Variants in PAQR4 observed in about 807,000 individuals in gnomAD.
PAQR4 encodes the protein progestin and adipoQ receptor family member IV.
A neutral mutation model predicts 20.9 loss-of-function variants in PAQR4; 26 were observed. The ratio of observed to expected loss-of-function variants is 1.24; its 90% CI spans 0.91 to 1.73. PAQR4 has a LOEUF of 1.73. Ranked by LOEUF, PAQR4 falls within the 40% of genes most tolerant of loss-of-function variation. PAQR4 has a pLI of 0.00. For synonymous variants in PAQR4, 193 were observed against 171.6 expected, an observed-to-expected ratio of 1.12 and a Z score of -0.97; for missense variants, 400 against 380.1, an observed-to-expected ratio of 1.05 and a Z score of -0.44.
chr16:2,972,614 C>T lies in PAQR4; in HGVS notation c.*666C>T. 8 of 1,534,756 alleles carry T rather than the reference C, an allele frequency of 5.2e-6. No homozygotes were observed. The highest frequency in any genetic ancestry group is 2.0e-5 in the Admixed American group (1 of 50,972). On this transcript the variant is annotated 3_prime_UTR_variant, in exon 3 of 3. Transcript: ENST00000318782. ...GCCCTCCACCTTGAGTGCCATACTC[C>T]CAACAGCTCCAGGTACCCACCGGGG...
Position 2,973,193 on chromosome 16 carries a change from C to T in PAQR4, c.*1245C>T, listed in dbSNP as rs763671016. ...GTGCTCCCCACAGTCCGGGCCAGGA[C>T]AGCCTCAGGGGAGAGTGAAGGCCTG... On this transcript the variant is annotated 3_prime_UTR_variant, in exon 3 of 3. Transcript: ENST00000318782. 7 of 1,521,236 alleles carry T rather than the reference C, an allele frequency of 4.6e-6. No individual in the cohort carries two copies. The South Asian group carries it at 7.7e-5, about 17-fold the overall frequency. The allele number at this position is 1,521,236 out of a possible 1,614,324, so 94.2% of individuals were successfully genotyped here.
chr16:2,971,457 G>T, intron 2 of PAQR4, 58 bp from the exon 3 acceptor site: 1 of 1,575,520 alleles, frequency 6.3e-7, no homozygotes, highest in Non-Finnish European at 8.6e-7. Context: ...CATGGGTAGG[G>T]AAGGGCGGGT....
At position 2,972,275 on chromosome 16, in the gene PAQR4, G is replaced by C. The variant is rs867513721; in HGVS notation, c.*327G>C. The C allele has an allele frequency of 2.0e-6, 1 of 497,594 alleles. No individual in the cohort carries two copies. Among genetic ancestry groups the C allele is most frequent in the East Asian group, 3.3e-5 (1 of 30,750 alleles). The allele number at this position is 497,594 out of a possible 1,614,324, so 30.8% of individuals were successfully genotyped here. ...TCTGGGGTCACGTCTTGCTCTGAGA[G>C]TTCAAGTCCTGCCAGGCCGCCAGCC... On this transcript the variant is annotated 3_prime_UTR_variant, in exon 3 of 3. Transcript: ENST00000318782.
At chr16:2,971,491 C>T (rs768943159) in intron 2 of PAQR4, 24 bp from the exon 3 acceptor site, 9 of 1,576,498 alleles carry the variant, frequency 5.7e-6, no homozygotes, top group Middle Eastern at 1.7e-4. Context: ...GACATGCCCT[C>T]TCCTGTTCTC....
chr16:2,969,697 G>A lies in PAQR4; in HGVS notation c.23G>A (p.Arg8His), dbSNP rs761321758. The A allele has an allele frequency of 5.0e-6, 8 of 1,585,278 alleles. No individual in the cohort carries two copies. The Admixed American group carries it at 5.3e-5, about 11-fold the overall frequency. Residue 8 changes from arginine to histidine, a missense_variant, in exon 1 of 3, where the codon CGC (arginine) becomes CAC (histidine). Coordinates refer to ENST00000318782, the MANE Select transcript of PAQR4 (RefSeq NM_152341.5). ...ACCATGGCGTTCCTGGCCGGGCCGC[G>A]CCTGCTGGACTGGGCCAGCTCGCCG... MAFLAGP[R>H]LLDWASSPPH... is the part of the protein sequence containing the mutation.
rs1360255129 is a variant in PAQR4, at chr16:2,971,233, G to C, written c.243G>C (p.Leu81=). The C allele has an allele frequency of 1.2e-6, 2 of 1,613,170 alleles. No homozygotes were observed. Among genetic ancestry groups the C allele is most frequent in the Middle Eastern group, 1.6e-4 (1 of 6,084 alleles). The part of the protein sequence containing the change: ...PWGQLGKDGW[L]GGTHCVACLA... Reference sequence around the variant, plus strand: ...GTCAGCTGGGCAAGGATGGCTGGCTGGGAGGCACACATTGCGTGGCCTGCC... The same window carrying C: ...GTCAGCTGGGCAAGGATGGCTGGCTCGGAGGCACACATTGCGTGGCCTGCC... Residue 81 remains leucine, a synonymous_variant, in exon 2 of 3, where the codon CTG becomes CTC. Transcript: ENST00000318782.
Position 2,969,555 on chromosome 16 carries a change from G to A in PAQR4, c.-120G>A. The A allele has an allele frequency of 3.3e-6, 4 of 1,197,506 alleles. No individual in the cohort carries two copies. Among genetic ancestry groups the A allele is most frequent in the Non-Finnish European group, 4.3e-6 (4 of 924,622 alleles). 74.2% of individuals were successfully genotyped at this position (1,197,506 alleles called of 1,614,324 possible). A position where few individuals can be genotyped will look rare whatever the true frequency, so the allele number is the denominator to read the frequency against. On this transcript the variant is annotated 5_prime_UTR_variant, in exon 1 of 3. Coordinates refer to ENST00000318782, the MANE Select transcript of PAQR4 (RefSeq NM_152341.5). ...CAGCGCGTGCGCCGATCGAGCGCAG[G>A]GCGATGGGTGGGCGCCGGGCGCCGG...
chr16:2,971,496 G>T lies in PAQR4; in HGVS notation c.389-19G>T, dbSNP rs1041802421. 5 of 1,578,406 alleles carry T rather than the reference G, an allele frequency of 3.2e-6. No homozygotes were observed. In the African/African-American group the frequency reaches 5.4e-5, roughly 17 times the overall value. ...CCCTCACAATGACATGCCCTCTCCT[G>T]TTCTCTCCTCTTGTGCAGGGGCCCT... On this transcript the variant is annotated intron_variant, in intron 2 of 2. Transcript: ENST00000318782.
Position 2,971,992 on chromosome 16 carries a change from A to G in PAQR4, c.*44A>G. ...CCACAGCAGCCTCCTAGAGTTAGCA[A>G]CACCAGGTGTTCCTCCCAACTCGTC... On this transcript the variant is annotated 3_prime_UTR_variant, in exon 3 of 3. Transcript: ENST00000318782. 5 of 1,500,490 alleles carry G rather than the reference A, an allele frequency of 3.3e-6. No individual in the cohort carries two copies. Among genetic ancestry groups the G allele is most frequent in the Non-Finnish European group, 4.4e-6 (5 of 1,128,232 alleles). 92.9% of individuals were successfully genotyped at this position (1,500,490 alleles called of 1,614,324 possible).
intron 1 of PAQR4, among the ~76,000 whole-genome samples, chr16:2,970,457 T>C (rs1411801722): frequency 6.6e-6 from 1 of 152,186 alleles, no homozygotes; most frequent in Non-Finnish European, 1.5e-5. Flanking sequence ...GTGGGCAGCC[T>C]TCGGAGCCCC....
Position 2,972,740 on chromosome 16 carries a change from A to G in PAQR4, c.*792A>G. 1 of 1,537,024 alleles carries G rather than the reference A, an allele frequency of 6.5e-7. No homozygotes were observed. Among genetic ancestry groups the G allele is most frequent in the Non-Finnish European group, 8.7e-7 (1 of 1,146,844 alleles). On this transcript the variant is annotated 3_prime_UTR_variant, in exon 3 of 3. Transcript: ENST00000318782. The stretch of plus-strand genomic sequence containing the variant: ...GGGTTCTGCAGCAGGGCTCAGCCTC[A>G]GGGGCGTTAAGACCCTGGATGACAT...
At position 2,972,510 on chromosome 16, in the gene PAQR4, A is replaced by C. The variant is rs1379904665; in HGVS notation, c.*562A>C. ...CTTGTACCAGCTGGCCACAGGCACA[A>C]GGGCTGCAGCTGCTTCTTCCAGGAA... is the stretch of plus-strand genomic sequence containing the variant. On this transcript the variant is annotated 3_prime_UTR_variant, in exon 3 of 3. Coordinates refer to ENST00000318782, the MANE Select transcript of PAQR4 (RefSeq NM_152341.5). The C allele has an allele frequency of 5.4e-6, 6 of 1,120,846 alleles. No homozygotes were observed. Among genetic ancestry groups the C allele is most frequent in the Non-Finnish European group, 6.2e-6 (5 of 802,790 alleles). 69.4% of individuals were successfully genotyped at this position (1,120,846 alleles called of 1,614,324 possible). A position where few individuals can be genotyped will look rare whatever the true frequency, so the allele number is the denominator to read the frequency against.
In PAQR4 at chr16:2,972,679, T is replaced by C; in HGVS notation, c.*731T>C. ...GGAAACCTCTTTGCTCCACACAGCA[T>C]GGGGCTTCAGCTGCTGGCCCAAGGC... On this transcript the variant is annotated 3_prime_UTR_variant, in exon 3 of 3. Coordinates refer to ENST00000318782, the MANE Select transcript of PAQR4 (RefSeq NM_152341.5). 6.5e-7 allele frequency: 1 copy of C among 1,535,762 alleles called. No homozygotes were observed.
chr16:2,972,582 C>G lies in PAQR4; in HGVS notation c.*634C>G. 1 of 1,521,504 alleles carries G rather than the reference C, an allele frequency of 6.6e-7. No homozygotes were observed. The highest frequency in any genetic ancestry group is 1.2e-5 in the South Asian group (1 of 83,170). 94.3% of individuals were successfully genotyped at this position (1,521,504 alleles called of 1,614,324 possible). A position where few individuals can be genotyped will look rare whatever the true frequency, so the allele number is the denominator to read the frequency against. On this transcript the variant is annotated 3_prime_UTR_variant, in exon 3 of 3. Coordinates refer to ENST00000318782, the MANE Select transcript of PAQR4 (RefSeq NM_152341.5). ...GCCTCAGATCCTGGGACCCCTGGGC[C>G]GTGCCTGCCCTCCACCTTGAGTGCC... is the stretch of plus-strand genomic sequence containing the variant.
chr16:2,973,145 T>A lies in PAQR4; in HGVS notation c.*1197T>A. ...GCCCCTGGACCTGCTTACCTGGGTG[T>A]GCACCTGCTCCGGGGGGTGGAGGTG... On this transcript the variant is annotated 3_prime_UTR_variant, in exon 3 of 3. Transcript: ENST00000318782. The A allele has an allele frequency of 2.6e-6, 4 of 1,549,840 alleles. No individual in the cohort carries two copies. Among genetic ancestry groups the A allele is most frequent in the Non-Finnish European group, 3.5e-6 (4 of 1,142,006 alleles).
rs373107462 is a variant in PAQR4, at chr16:2,971,389, G to T, written c.388+11G>T. On this transcript the variant is annotated intron_variant, in intron 2 of 2. Transcript: ENST00000318782. ...TTGTCAACACCCTTGGTGAGTCAGG[G>T]CCCAAGGGATGGGAGCTGGAGCCAC... 1.2e-6 allele frequency: 2 copies of T among 1,604,434 alleles called. No individual in the cohort carries two copies. Among genetic ancestry groups the T allele is most frequent in the Non-Finnish European group, 1.7e-6 (2 of 1,178,484 alleles).
At position 2,969,367 on chromosome 16, in the gene PAQR4, G is replaced by A. The variant is rs1475515551; in HGVS notation, c.-308G>A. 6.3e-5 allele frequency: 10 copies of A among 159,536 alleles called. No homozygotes were observed. The highest frequency in any genetic ancestry group is 9.6e-5 in the Non-Finnish European group (7 of 72,764). 9.9% of individuals were successfully genotyped at this position (159,536 alleles called of 1,614,324 possible). On this transcript the variant is annotated 5_prime_UTR_variant, in exon 1 of 3. Transcript: ENST00000318782. Reference sequence around the variant, plus strand: ...GGCTGCAGAGAGACTACCGGCCACCGCCGCCGCCGCCGCCGCGAGCTGTCC... The same window carrying A: ...GGCTGCAGAGAGACTACCGGCCACCACCGCCGCCGCCGCCGCGAGCTGTCC...
In PAQR4 at chr16:2,971,545, C is replaced by A. The variant is rs977012588; in HGVS notation, c.419C>A (p.Ala140Asp). ...GALPIIHCTL[A>D]CRPWLRPAAL... ...CTGCCCATCATCCACTGCACCCTGG[C>A]CTGCAGGCCCTGGCTGCGCCCGGCT... is the stretch of plus-strand genomic sequence containing the variant. Residue 140 changes from alanine (A) to aspartate (D), a missense_variant, in exon 3 of 3, where the codon GCC (alanine) becomes GAC (aspartate). Ala to Asp is a moderately radical substitution (Grantham distance 126). Transcript: ENST00000318782. 7.5e-6 allele frequency: 12 copies of A among 1,592,808 alleles called. No homozygotes were observed. Among genetic ancestry groups the A allele is most frequent in the Non-Finnish European group, 5.1e-6 (6 of 1,175,166 alleles).
At position 2,971,143 on chromosome 16, in the gene PAQR4, G is replaced by A. The variant is rs1567377988; in HGVS notation, c.167-14G>A. ...GACTGAAACTATCTGGTAGATGACT[G>A]TCTCCCTCCCTAGGGCTGGCCCTGC... On this transcript the variant is annotated splice_polypyrimidine_tract_variant and intron_variant, in intron 1 of 2. Transcript: ENST00000318782. The A allele has an allele frequency of 6.2e-7, 1 of 1,611,952 alleles. No individual in the cohort carries two copies. Among genetic ancestry groups the A allele is most frequent in the East Asian group, 2.2e-5 (1 of 44,876 alleles).
Sources: gnomAD v4.1 joint callset for allele counts (sites outside exome capture counted in the v4.1 genomes callset) on GRCh38, gnomAD v4.1.1 for gene constraint, MANE v1.5 for transcripts, NCBI Gene and HGNC (gene_info 2026-07-23, HGNC 2026-07-21) for gene names.